RARB: variants seen among roughly 807,000 people sequenced by gnomAD.
RARB encodes retinoic acid receptor beta.
A neutral mutation model predicts 51.9 loss-of-function variants in RARB; 17 were observed. The observed-to-expected ratio is 0.33, with a 90% CI of 0.22 to 0.49. The LOEUF is 0.49. RARB is among the 20% of genes least tolerant of loss of function. The pLI is 0.99. For synonymous variants in RARB, 215 were observed against 195.4 expected, an observed-to-expected ratio of 1.10 and a Z score of -0.84; for missense variants, 369 against 550.8, an observed-to-expected ratio of 0.67 and a Z score of 3.30.
chr3:24,977,488 G>A (rs1252459583), intron 2 of RARB, among the ~76,000 whole-genome samples: 2 of 152,144 alleles, frequency 1.3e-5, no homozygotes, highest in Non-Finnish European at 2.9e-5. Context: ...TCCCTTGTAA[G>A]TTGGATTCCT....
chr3:25,472,344 C>T (rs147341802), intron 2 of RARB, among the ~76,000 whole-genome samples: 1 of 152,204 alleles, frequency 6.6e-6, no homozygotes, highest in East Asian at 1.9e-4. Context: ...TTAAAAGCCC[C>T]GGCCAAGAAT....
chr3:24,992,308 A>C (rs1435946815), intron 2 of RARB, among the ~76,000 whole-genome samples: 8 of 152,140 alleles, frequency 5.3e-5, no homozygotes, highest in Admixed American at 5.2e-4. Context: ...TTTTCTGCCT[A>C]TTCCTTACCT....
At chr3:25,458,766 T>A (rs1050880576) in intron 1 of RARB, among the ~76,000 whole-genome samples, 1 of 152,240 alleles carries the variant, frequency 6.6e-6, no homozygotes. Context: ...AAGATTCTTC[T>A]GAATTATGAA....
At chr3:25,112,078 C>T (rs746273185) in intron 3 of RARB, among the ~76,000 whole-genome samples, 8 of 151,996 alleles carry the variant, frequency 5.3e-5, no homozygotes, top group South Asian at 2.1e-4. Context: ...GGCAGCTGTT[C>T]GGTGTTTTGA....
In RARB at chr3:25,471,917, C is replaced by T. The variant is rs182746597; in HGVS notation, c.306+10576C>T. Among the ~76,000 whole-genome samples, 306 of 152,248 alleles carry T rather than the reference C, an allele frequency of 2.0e-3. 2 individuals carry two copies. Among genetic ancestry groups the T allele is most frequent in the African/African-American group, 7.2e-3 (298 of 41,546 alleles). On this transcript the variant is annotated intron_variant, in intron 2 of 7. Coordinates refer to ENST00000330688, the MANE Select transcript of RARB (RefSeq NM_000965.5). ...AAATGAAATTGTCTGGAAAGGCTTT[C>T]CTTCTTCATCAGCCCCCCTCTACCT...
chr3:25,493,149 C>T (rs2125594510), intron 2 of RARB, among the ~76,000 whole-genome samples: 1 of 152,064 alleles, frequency 6.6e-6, no homozygotes, highest in South Asian at 2.1e-4. Flanking sequence ...TACATTTATG[C>T]CCACCCTCCC....
At chr3:25,236,001 CTA>C (rs1702293635) in intron 5 of RARB, among the ~76,000 whole-genome samples, 1 of 152,080 alleles carries the variant, frequency 6.6e-6, no homozygotes, top group African/African-American at 2.4e-5. Context: ...AACCTCAAGT[CTA>C]TATATCCTGA....
chr3:25,505,612 T>C (rs748239870), intron 3 of RARB, among the ~76,000 whole-genome samples: 5 of 151,710 alleles, frequency 3.3e-5, no homozygotes, highest in Non-Finnish European at 5.9e-5. Context: ...CTTATAGGAC[T>C]AGGGAAGCCT....
At chr3:24,933,447 A>G (rs1275978823) in intron 2 of RARB, among the ~76,000 whole-genome samples, 2 of 152,124 alleles carry the variant, frequency 1.3e-5, no homozygotes, top group East Asian at 3.9e-4. Context: ...AAGTCAGTTT[A>G]AATAAAATTG....
intron 2 of RARB, among the ~76,000 whole-genome samples, chr3:24,972,063 C>G (rs1461614932): frequency 6.6e-6 from 1 of 151,748 alleles, no homozygotes; most frequent in African/African-American, 2.4e-5. Flanking sequence ...CTATATTCAG[C>G]CTATGGATCT....
Position 25,183,541 on chromosome 3 carries a change from T to C in RARB, c.178+8966T>C, listed in dbSNP as rs1175554385. Among the ~76,000 whole-genome samples, 4 of 152,316 alleles carry C rather than the reference T, an allele frequency of 2.6e-5. No individual in the cohort carries two copies. In the East Asian group the frequency reaches 7.7e-4, roughly 29 times the overall value. ...GTCAAATTGGAATCTGTGAGATTCTTCAGAAAAACCATTCATATTACAAGT... is the reference window on the plus strand; with the variant it reads ...GTCAAATTGGAATCTGTGAGATTCTCCAGAAAAACCATTCATATTACAAGT... On this transcript the variant is annotated intron_variant, in intron 5 of 11. Transcript: ENST00000383772.
intron 3 of RARB, among the ~76,000 whole-genome samples, chr3:25,128,136 T>A (rs1181998648): frequency 6.6e-6 from 1 of 152,066 alleles, no homozygotes; most frequent in Non-Finnish European, 1.5e-5. Flanking sequence ...TCTTAGGGGT[T>A]CTAACCTGCT....
intron 2 of RARB, among the ~76,000 whole-genome samples, chr3:24,938,718 T>C (rs1406254630): frequency 1.3e-5 from 2 of 152,200 alleles, no homozygotes; most frequent in Non-Finnish European, 2.9e-5. Context: ...TAAGTGAATC[T>C]ACATTCTCCC....
At chr3:25,507,984 G>T (rs1214148773) in intron 3 of RARB, among the ~76,000 whole-genome samples, 4 of 152,136 alleles carry the variant, frequency 2.6e-5, no homozygotes, top group African/African-American at 7.2e-5. Context: ...AAAACCACTG[G>T]CCGTGAATTC....
chr3:25,363,956 T>G (rs1351787953), intron 5 of RARB, among the ~76,000 whole-genome samples: 1 of 152,190 alleles, frequency 6.6e-6, no homozygotes, highest in African/African-American at 2.4e-5. Flanking sequence ...ATATAGATCT[T>G]TCCTTAACTT....
At chr3:25,079,426 G>C (rs1472207172) in intron 3 of RARB, among the ~76,000 whole-genome samples, 2 of 152,064 alleles carry the variant, frequency 1.3e-5, no homozygotes, top group Non-Finnish European at 2.9e-5. Context: ...GGTGAAAGTG[G>C]ATATTCATGT....
chr3:25,306,071 T>G (rs1240514088), intron 5 of RARB, among the ~76,000 whole-genome samples: 1 of 152,070 alleles, frequency 6.6e-6, no homozygotes, highest in Admixed American at 6.5e-5. Flanking sequence ...TCCGCTGTAT[T>G]ATAAGTAGCT....
At chr3:25,519,694 T>C (rs1447521500) in intron 3 of RARB, among the ~76,000 whole-genome samples, 2 of 152,172 alleles carry the variant, frequency 1.3e-5, no homozygotes, top group Non-Finnish European at 2.9e-5. Context: ...TTATCACTTA[T>C]CATTTTAGTG....
intron 5 of RARB, among the ~76,000 whole-genome samples, chr3:25,252,179 C>T (rs1335837508): frequency 1.3e-5 from 2 of 152,124 alleles, no homozygotes; most frequent in Admixed American, 1.3e-4. Flanking sequence ...GGTATAAGTG[C>T]TTACTTCTGG....
Sources: allele counts gnomAD v4.1 joint callset (sites outside exome capture counted in the v4.1 genomes callset), GRCh38; gene constraint gnomAD v4.1.1; transcripts MANE v1.5; gene names NCBI Gene and HGNC (gene_info 2026-07-23, HGNC 2026-07-21).